The following SYNPO2 variants were observed in gnomAD, a reference collection of about 807,000 sequenced individuals.
The protein encoded by SYNPO2 is synaptopodin 2.
In SYNPO2, 56 loss-of-function variants were observed where a neutral mutation model predicts 85.0. The ratio of observed to expected loss-of-function variants is 0.66; its 90% CI spans 0.53 to 0.82. SYNPO2 has a LOEUF of 0.82. SYNPO2 is among the 40% of genes least tolerant of loss of function. The probability of loss-of-function intolerance (pLI) is 0.00; values close to 1 mark genes in which losing one functional copy is unlikely to be tolerated. For synonymous variants in SYNPO2, 602 were observed against 591.1 expected (o/e 1.02, Z -0.27); for missense variants, 1,575 against 1,534.2 (o/e 1.03, Z -0.44).
chr4:118,863,930 G>C (rs1256187057), intron 1 of SYNPO2, among the ~76,000 whole-genome samples: 1 of 152,028 alleles, frequency 6.6e-6, no homozygotes, highest in Non-Finnish European at 1.5e-5. Context: ...CTTTTGTACT[G>C]TTTTCTTCAT....
chr4:118,934,815 A>G (rs922638530), intron 1 of SYNPO2, among the ~76,000 whole-genome samples: 2 of 152,144 alleles, frequency 1.3e-5, no homozygotes, highest in African/African-American at 2.4e-5. Context: ...ACCAGCTACT[A>G]CCTTCTGAGA....
chr4:119,056,282 G>A (rs921626431), intron 4 of SYNPO2, among the ~76,000 whole-genome samples: 40 of 152,294 alleles, frequency 2.6e-4, no homozygotes, highest in African/African-American at 7.5e-4. Flanking sequence ...GCCAGGCACC[G>A]GGGCTCATGT....
At chr4:118,934,407 T>A (rs930246805) in intron 1 of SYNPO2, among the ~76,000 whole-genome samples, 8 of 152,288 alleles carry the variant, frequency 5.3e-5, no homozygotes, top group African/African-American at 1.7e-4. Context: ...CCAGTTACTG[T>A]AGAGACTACA....
At chr4:118,956,974 G>C (rs1171954177) in intron 1 of SYNPO2, among the ~76,000 whole-genome samples, 1 of 151,996 alleles carries the variant, frequency 6.6e-6, no homozygotes, top group Non-Finnish European at 1.5e-5. Context: ...GAACCTGGGA[G>C]GTAGAGGTTG....
chr4:118,971,346 G>A (rs1735534689), intron 1 of SYNPO2, among the ~76,000 whole-genome samples: 1 of 152,200 alleles, frequency 6.6e-6, no homozygotes, highest in African/African-American at 2.4e-5. Flanking sequence ...TTTCAAGACA[G>A]CAGAGGACTG....
chr4:118,914,901 T>C (rs1053381094), intron 1 of SYNPO2, among the ~76,000 whole-genome samples: 3 of 151,812 alleles, frequency 2.0e-5, no homozygotes, highest in African/African-American at 7.3e-5. Context: ...TTGGAAAGGA[T>C]TAGAATTCAC....
intron 1 of SYNPO2, among the ~76,000 whole-genome samples, chr4:118,902,219 A>G (rs6534113): frequency 0.8 from 122,324 of 152,120 alleles, 49,318 homozygotes; most frequent in Middle Eastern, 0.89. Flanking sequence ...TGTGGTCTTC[A>G]AATTTCCTCT....
At chr4:118,870,530 T>C (rs1731782494) in intron 1 of SYNPO2, among the ~76,000 whole-genome samples, 1 of 152,222 alleles carries the variant, frequency 6.6e-6, no homozygotes, top group African/African-American at 2.4e-5. Context: ...TAGAATGATT[T>C]ATATTCCTTT....
intron 4 of SYNPO2, among the ~76,000 whole-genome samples, chr4:119,056,736 A>G (rs987169182): frequency 6.6e-6 from 1 of 152,070 alleles, no homozygotes; most frequent in Admixed American, 6.6e-5. Context: ...AAGGCAATAC[A>G]CTCCACTCAG....
intron 1 of SYNPO2, among the ~76,000 whole-genome samples, chr4:118,972,283 A>G (rs911165333): frequency 3.9e-5 from 6 of 152,080 alleles, no homozygotes; most frequent in African/African-American, 1.4e-4. Context: ...TCTACAAAAA[A>G]AGAAAGAAAA....
chr4:119,050,073 T>G (rs955543806), intron 4 of SYNPO2, among the ~76,000 whole-genome samples: 2 of 152,132 alleles, frequency 1.3e-5, no homozygotes, highest in Non-Finnish European at 2.9e-5. Context: ...GGCTCACACA[T>G]GTAATCCCAG....
intron 3 of SYNPO2, among the ~76,000 whole-genome samples, chr4:119,028,137 A>T (rs930128907): frequency 6.6e-6 from 1 of 152,032 alleles, no homozygotes. Context: ...TACCCAGGGG[A>T]GAGAAGACAG....
chr4:118,987,171 G>A (rs1736251121), intron 1 of SYNPO2, among the ~76,000 whole-genome samples: 1 of 152,138 alleles, frequency 6.6e-6, no homozygotes, highest in African/African-American at 2.4e-5. Context: ...TACAGAACAA[G>A]TTAATAAAGG....
intron 1 of SYNPO2, among the ~76,000 whole-genome samples, chr4:118,960,604 C>A (rs1370164513): frequency 1.3e-5 from 2 of 152,166 alleles, no homozygotes; most frequent in African/African-American, 4.8e-5. Context: ...GAGTACCATA[C>A]TGAGACATCT....
At chr4:118,864,364 G>T (rs191920291) in intron 1 of SYNPO2, among the ~76,000 whole-genome samples, 46 of 152,226 alleles carry the variant, frequency 3.0e-4, no homozygotes, top group African/African-American at 1.0e-3. Flanking sequence ...CGAACATATG[G>T]TCTATCCTTG....
chr4:118,903,580 A>G (rs1044973215), intron 1 of SYNPO2, among the ~76,000 whole-genome samples: 3 of 152,208 alleles, frequency 2.0e-5, no homozygotes, highest in Non-Finnish European at 2.9e-5. Flanking sequence ...ATGACATTTC[A>G]GAAAATGTTT....
intron 1 of SYNPO2, among the ~76,000 whole-genome samples, chr4:118,877,395 A>G (rs1419427209): frequency 6.6e-6 from 1 of 152,192 alleles, no homozygotes; most frequent in Non-Finnish European, 1.5e-5. Context: ...TTGCACAGCA[A>G]AAGAAACTAT....
chr4:118,900,703 C>CTCTCTCTATATATATATATATATA (rs1277981772), intron 1 of SYNPO2, among the ~76,000 whole-genome samples: 2 of 43,892 alleles, frequency 4.6e-5, no homozygotes, highest in African/African-American at 7.9e-5. Context: ...CTCTCTCTCT[C>CTCTCTCTATATATATATATATATA]TATATATATA....
intron 1 of SYNPO2, among the ~76,000 whole-genome samples, chr4:118,924,464 T>A (rs1335865226): frequency 2.0e-5 from 3 of 152,166 alleles, no homozygotes; most frequent in African/African-American, 7.2e-5. Context: ...CAAACATGCA[T>A]TCTGTACATC....
Sources: gnomAD v4.1 joint callset for allele counts (sites outside exome capture counted in the v4.1 genomes callset) on GRCh38, gnomAD v4.1.1 for gene constraint, MANE v1.5 for transcripts, NCBI Gene and HGNC (gene_info 2026-07-23, HGNC 2026-07-21) for gene names.